Variants in PDZRN3 observed in about 807,000 individuals in gnomAD.
PDZRN3 encodes PDZ domain containing ring finger 3.
In PDZRN3, 38 loss-of-function variants were observed where a neutral mutation model predicts 85.7. The ratio of observed to expected loss-of-function variants is 0.44; its 90% CI spans 0.34 to 0.58. The LOEUF (loss-of-function observed/expected upper bound fraction) is 0.58. Ranked by LOEUF, PDZRN3 falls within the 20% of genes least tolerant of loss-of-function variation. The pLI is 0.01. For missense variants in PDZRN3, 1,629 were observed against 1,506.4 expected (o/e 1.08, Z -1.35); for synonymous variants, 759 against 638.0 (o/e 1.19, Z -2.86).
chr3:73,440,854 C>T (rs1702621709), intron 3 of PDZRN3, among the ~76,000 whole-genome samples: 1 of 152,176 alleles, frequency 6.6e-6, no homozygotes, highest in African/African-American at 2.4e-5. Context: ...TTGGTTTCCC[C>T]TACTAACAGT....
chr3:73,617,879 T>C (rs1245805740), intron 1 of PDZRN3, among the ~76,000 whole-genome samples: 3 of 152,206 alleles, frequency 2.0e-5, no homozygotes, highest in African/African-American at 7.2e-5. Flanking sequence ...CTAATTTTTG[T>C]ATTTTTAGCA....
chr3:73,481,412 C>T (rs569178841), intron 3 of PDZRN3, among the ~76,000 whole-genome samples: 33 of 150,442 alleles, frequency 2.2e-4, no homozygotes, highest in Admixed American at 6.0e-4. Flanking sequence ...GGTGTGATCT[C>T]GGCTCACCGC....
intron 3 of PDZRN3, among the ~76,000 whole-genome samples, chr3:73,577,559 G>C (rs1461082978): frequency 1.3e-5 from 2 of 152,090 alleles, no homozygotes; most frequent in African/African-American, 4.8e-5. Context: ...TTCTAGCTGG[G>C]ACCAGTCAAT....
chr3:73,422,682 A>G (rs540179846), intron 3 of PDZRN3, among the ~76,000 whole-genome samples: 7 of 152,304 alleles, frequency 4.6e-5, no homozygotes, highest in African/African-American at 7.2e-5. Flanking sequence ...CTTTTGGTCA[A>G]TTTCTCAGTG....
intron 5 of PDZRN3, among the ~76,000 whole-genome samples, chr3:73,396,838 A>G (rs949323787): frequency 6.6e-6 from 1 of 152,188 alleles, no homozygotes; most frequent in Non-Finnish European, 1.5e-5. Context: ...CTACAGGAAG[A>G]TGTAGAGCAG....
intron 3 of PDZRN3, among the ~76,000 whole-genome samples, chr3:73,572,587 C>T (rs1363933904): frequency 6.6e-6 from 1 of 152,144 alleles, no homozygotes; most frequent in Non-Finnish European, 1.5e-5. Flanking sequence ...TGTCAGGGTG[C>T]ATATAATTCA....
intron 3 of PDZRN3, among the ~76,000 whole-genome samples, chr3:73,465,827 G>C (rs1703202360): frequency 6.6e-6 from 1 of 152,156 alleles, no homozygotes; most frequent in African/African-American, 2.4e-5. Flanking sequence ...AGTTTTGTTG[G>C]TCACTAGGTG....
chr3:73,392,216 C>A (rs1559652607), intron 5 of PDZRN3, among the ~76,000 whole-genome samples: 1 of 152,208 alleles, frequency 6.6e-6, no homozygotes, highest in South Asian at 2.1e-4. Context: ...TGGCCAGAGC[C>A]CCATGTTCAA....
chr3:73,589,086 C>T (rs1702318488), intron 3 of PDZRN3, among the ~76,000 whole-genome samples: 1 of 151,196 alleles, frequency 6.6e-6, no homozygotes. Flanking sequence ...CTCGTTCTGT[C>T]CCCCAGGCTG....
chr3:73,386,226 C>CTTTTTTTTTTTA (rs1701382195), intron 8 of PDZRN3, among the ~76,000 whole-genome samples: 1 of 90,730 alleles, frequency 1.1e-5, no homozygotes, highest in African/African-American at 4.1e-5. Flanking sequence ...CAAGATATCA[C>CTTTTTTTTTTTA]TTTTTTTTTT....
chr3:73,590,326 T>C (rs965983500), intron 3 of PDZRN3, among the ~76,000 whole-genome samples: 3 of 149,546 alleles, frequency 2.0e-5, no homozygotes, highest in African/African-American at 7.4e-5. Flanking sequence ...ATTAAAAGAC[T>C]GTAGCTAATA....
intron 3 of PDZRN3, among the ~76,000 whole-genome samples, chr3:73,416,603 C>T (rs1181427846): frequency 6.6e-6 from 1 of 152,090 alleles, no homozygotes; most frequent in East Asian, 1.9e-4. Context: ...ACTCTGGAAT[C>T]ATTTATCTCC....
intron 3 of PDZRN3, among the ~76,000 whole-genome samples, chr3:73,468,407 T>G (rs114097266): frequency 6.6e-6 from 1 of 152,146 alleles, no homozygotes; most frequent in Non-Finnish European, 1.5e-5. Flanking sequence ...TAAGCACCTT[T>G]TCCCCCCTCT....
intron 3 of PDZRN3, among the ~76,000 whole-genome samples, chr3:73,514,237 A>G (rs1704218379): frequency 6.6e-6 from 1 of 152,208 alleles, no homozygotes; most frequent in Admixed American, 6.5e-5. Flanking sequence ...TATTCTACTT[A>G]GTTCAAGTTG....
intron 3 of PDZRN3, among the ~76,000 whole-genome samples, chr3:73,408,611 A>T (rs1701903768): frequency 1.3e-5 from 2 of 151,942 alleles, no homozygotes; most frequent in East Asian, 3.9e-4. Flanking sequence ...CAACAGAAAA[A>T]TTTTACAGGA....
intron 3 of PDZRN3, among the ~76,000 whole-genome samples, chr3:73,513,582 C>T (rs1704205706): frequency 6.6e-6 from 1 of 152,178 alleles, no homozygotes; most frequent in Non-Finnish European, 1.5e-5. Context: ...ACTGTTTTCT[C>T]TCTCTACACT....
At chr3:73,537,120 G>A (rs1704805852) in intron 3 of PDZRN3, among the ~76,000 whole-genome samples, 1 of 152,128 alleles carries the variant, frequency 6.6e-6, no homozygotes, top group South Asian at 2.1e-4. Flanking sequence ...TGGGGGTCAG[G>A]TAACAGAGTT....
At chr3:73,458,664 T>C (rs1391600017) in intron 3 of PDZRN3, among the ~76,000 whole-genome samples, 1 of 150,978 alleles carries the variant, frequency 6.6e-6, no homozygotes, top group African/African-American at 2.4e-5. Context: ...CACACCTCTA[T>C]GAAGAAATAC....
rs750997558 is a variant in PDZRN3 at position 73,383,736 on chromosome 3, G to C, written c.2830C>G (p.Arg944Gly). The change falls in exon 10 of 10, where the codon CGG becomes GGG. Residue 944 changes from arginine (R) to glycine (G), a missense_variant. Arg to Gly is a moderately radical substitution (Grantham distance 125, BLOSUM62 -2). Transcript: ENST00000263666. ...TKRPVRDRLL[R>G]ERALKIREER... ...TCCCGGATCTTCAGGGCGCGCTCCC[G>C]CAGCAGGCGGTCCCGCACGGGCCTC... 1 of 1,611,896 alleles carries C rather than the reference G, an allele frequency of 6.2e-7. No homozygotes were observed. The highest frequency in any genetic ancestry group is 1.3e-5 in the African/African-American group (1 of 75,052).
Sources: gnomAD v4.1 joint callset for allele counts (sites outside exome capture counted in the v4.1 genomes callset) on GRCh38, gnomAD v4.1.1 for gene constraint, MANE v1.5 for transcripts, NCBI Gene and HGNC (gene_info 2026-07-23, HGNC 2026-07-21) for gene names.